The following FGF13 variants were observed in gnomAD, a reference collection of about 807,000 sequenced individuals.
FGF13 encodes fibroblast growth factor homologous factor 2.
A neutral mutation model predicts 19.5 loss-of-function variants in FGF13; 2 were observed. The ratio of observed to expected loss-of-function variants is 0.10; its 90% CI spans 0.04 to 0.32. FGF13 has a LOEUF of 0.32. FGF13 is among the 10% of genes least tolerant of loss of function. The pLI, the probability that FGF13 is intolerant of heterozygous loss-of-function variation, is 1.00. For synonymous variants in FGF13, 72 were observed against 76.9 expected (o/e 0.94, Z 0.33); for missense variants, 113 against 192.7 (o/e 0.59, Z 2.45).
At chrX:139,108,292 A>G (rs1248993914) in intron 1 of FGF13, among the ~76,000 whole-genome samples, 2 of 111,827 alleles carry the variant, frequency 1.8e-5, no homozygotes, top group Non-Finnish European at 3.8e-5. Flanking sequence ...GTTCTAAGCT[A>G]TGGGCAGTCT....
chrX:139,126,214 T>A (rs745888027), intron 1 of FGF13, among the ~76,000 whole-genome samples: 2 of 111,987 alleles, frequency 1.8e-5, no homozygotes, highest in East Asian at 5.7e-4. Flanking sequence ...TTTGGCCCTT[T>A]ACAGAAAATG....
chrX:138,963,576 C>T (rs1209834258), intron 1 of FGF13, among the ~76,000 whole-genome samples: 1 of 112,133 alleles, frequency 8.9e-6, no homozygotes. Context: ...TATTATATTG[C>T]ATATGCCATG....
intron 1 of FGF13, among the ~76,000 whole-genome samples, chrX:139,119,381 A>T (rs186446783): frequency 5.2e-4 from 58 of 112,355 alleles, no homozygotes; most frequent in Non-Finnish European, 1.0e-3. Context: ...ACCATGTGCC[A>T]GGCACTATTC....
intron 1 of FGF13, among the ~76,000 whole-genome samples, chrX:139,069,642 T>A (rs1262140864): frequency 8.9e-6 from 1 of 111,870 alleles, no homozygotes; most frequent in Non-Finnish European, 1.9e-5. Context: ...TTAAATTTCA[T>A]ATGGAACCAA....
intron 1 of FGF13, among the ~76,000 whole-genome samples, chrX:139,028,644 T>G (rs1422565945): frequency 1.7e-5 from 1 of 58,410 alleles, no homozygotes; most frequent in Non-Finnish European, 3.2e-5. Context: ...AGTGTGTGTG[T>G]GTGTGTGAGA....
upstream of FGF13, among the ~76,000 whole-genome samples, chrX:138,742,654 T>C (rs1275110826): frequency 8.9e-6 from 1 of 111,986 alleles, no homozygotes; most frequent in African/African-American, 3.2e-5. Context: ...GTTACAGATC[T>C]CCAAGCTTTC....
At chrX:139,090,908 C>T (rs2083435963) in intron 1 of FGF13, among the ~76,000 whole-genome samples, 1 of 96,222 alleles carries the variant, frequency 1.0e-5, no homozygotes, top group African/African-American at 4.0e-5. Flanking sequence ...TGTCACTGTA[C>T]TCCAGCCTGG....
downstream of FGF13, among the ~76,000 whole-genome samples, chrX:138,857,069 C>A (rs932751391): frequency 8.9e-6 from 1 of 112,012 alleles, no homozygotes; most frequent in African/African-American, 3.2e-5. Context: ...GAGCATTCTT[C>A]AAGTGCAATG....
intron 1 of FGF13, among the ~76,000 whole-genome samples, chrX:138,946,587 G>T (rs2091782886): frequency 8.9e-6 from 1 of 111,857 alleles, no homozygotes; most frequent in Admixed American, 9.5e-5. Context: ...ATCCCTGACT[G>T]ATCACTTCAA....
chrX:138,870,684 G>A (rs1029509515), intron 1 of FGF13, among the ~76,000 whole-genome samples: 1 of 112,584 alleles, frequency 8.9e-6, no homozygotes, highest in African/African-American at 3.2e-5. Context: ...AAAATAAAAT[G>A]AGGAAGGTAG....
intron 1 of FGF13, among the ~76,000 whole-genome samples, chrX:138,891,900 C>T (rs1257600390): frequency 2.7e-5 from 3 of 110,742 alleles, no homozygotes; most frequent in Non-Finnish European, 5.7e-5. Context: ...CTCGGACTGA[C>T]TCTCCTTGCT....
upstream of FGF13, among the ~76,000 whole-genome samples, chrX:139,204,756 T>C (rs1455154925): frequency 8.8e-6 from 1 of 113,302 alleles, no homozygotes. Flanking sequence ...CGTGTGAGCC[T>C]GTTACACCGC....
intron 1 of FGF13, among the ~76,000 whole-genome samples, chrX:139,113,692 T>G (rs1464391483): frequency 8.9e-6 from 1 of 112,103 alleles, no homozygotes; most frequent in Non-Finnish European, 1.9e-5. Flanking sequence ...TCCTTATACA[T>G]GATGAGAATA....
intron 3 of FGF13, among the ~76,000 whole-genome samples, chrX:138,682,960 G>A (rs982983958): frequency 9.0e-6 from 1 of 111,510 alleles, no homozygotes; most frequent in African/African-American, 3.3e-5. Flanking sequence ...TCTGAAGTGA[G>A]TGGAAGGGCT....
upstream of FGF13, chrX:138,712,106 C>T (rs1211612831): frequency 1.8e-5 from 2 of 110,383 alleles, no homozygotes; most frequent in African/African-American, 6.6e-5. Flanking sequence ...CTTGGACGCA[C>T]CAACAACCCG....
At chrX:138,703,183 T>G in intron 2 of FGF13, 96 bp from the exon 3 acceptor site, 1 of 639,726 alleles carries the variant, frequency 1.6e-6, no homozygotes, top group Middle Eastern at 3.2e-4. Context: ...CCAAAAGTAG[T>G]GTGTAGTTGG....
chrX:138,952,638 G>A (rs2091819311), intron 1 of FGF13, among the ~76,000 whole-genome samples: 1 of 111,064 alleles, frequency 9.0e-6, no homozygotes, highest in African/African-American at 3.3e-5. Context: ...GAGTGAACAG[G>A]CAACCTACAG....
chrX:138,715,702 C>A (rs2090095062), upstream of FGF13, among the ~76,000 whole-genome samples: 1 of 112,344 alleles, frequency 8.9e-6, no homozygotes, highest in South Asian at 3.7e-4. Flanking sequence ...TCCCATCTCT[C>A]TGTTCTCTTC....
intron 3 of FGF13, among the ~76,000 whole-genome samples, chrX:138,756,177 T>C (rs1024424651): frequency 2.7e-5 from 3 of 112,708 alleles, no homozygotes; most frequent in Non-Finnish European, 3.8e-5. Flanking sequence ...TATTTTGTTA[T>C]GGCAGCTCTA....
Sources: gnomAD v4.1 joint callset for allele counts (sites outside exome capture counted in the v4.1 genomes callset) on GRCh38, gnomAD v4.1.1 for gene constraint, MANE v1.5 for transcripts, NCBI Gene and HGNC (gene_info 2026-07-23, HGNC 2026-07-21) for gene names.